Variants in PARM1 observed in about 807,000 individuals in gnomAD.
PARM1 encodes prostate androgen-regulated mucin-like protein 1.
A neutral mutation model predicts 24.6 loss-of-function variants in PARM1; 14 were observed. That is an observed-to-expected ratio of 0.57 (90% CI 0.38 to 0.89). The LOEUF is 0.89. Among genes scored for constraint, PARM1 ranks in the 40% least tolerant of loss-of-function variants. The pLI, the probability that PARM1 is intolerant of heterozygous loss-of-function variation, is 0.00. For synonymous variants in PARM1, 179 were observed against 156.6 expected (o/e 1.14, Z -1.07); for missense variants, 362 against 380.4 (o/e 0.95, Z 0.40).
At position 74,983,829 on chromosome 4, in the gene PARM1, C is replaced by A. The variant is rs184386314; in HGVS notation, c.44-28596C>A. ...TTCAAAACTTCTTGTTGTCTTTATT[C>A]TTTGTATCATTGATGTCTTCTTGGC... On this transcript the variant is annotated intron_variant, in intron 1 of 3. Coordinates refer to ENST00000307428, the MANE Select transcript of PARM1 (RefSeq NM_015393.4). Among the ~76,000 whole-genome samples the A allele has an allele frequency of 3.3e-3, 508 of 152,176 alleles. 6 individuals carry two copies. The highest frequency in any genetic ancestry group is 0.011 in the African/African-American group (473 of 41,522).
intron 1 of PARM1, chr4:74,966,925 G>A (rs1420733988): frequency 6.6e-6 from 1 of 152,154 alleles, no homozygotes; most frequent in African/African-American, 2.4e-5. Context: ...GTAAGCTTTT[G>A]GGATTTGGCA....
chr4:74,948,223 T>C (rs1186500518), intron 1 of PARM1, among the ~76,000 whole-genome samples: 6 of 152,192 alleles, frequency 3.9e-5, no homozygotes, highest in Admixed American at 2.6e-4. Flanking sequence ...AGCACATACA[T>C]GGCAAGTGCT....
At chr4:74,997,994 C>T (rs1301729066) in intron 1 of PARM1, among the ~76,000 whole-genome samples, 2 of 152,186 alleles carry the variant, frequency 1.3e-5, no homozygotes, top group East Asian at 1.9e-4. Flanking sequence ...TAGCTCATGT[C>T]GCCAGATTCT....
chr4:74,956,150 G>C (rs970342253), intron 1 of PARM1: 28 of 152,196 alleles, frequency 1.8e-4, no homozygotes, highest in African/African-American at 6.0e-4. Flanking sequence ...CCCCATTATA[G>C]AGATGACAAA....
At chr4:74,973,523 G>GTCT (rs975887484) in intron 1 of PARM1, among the ~76,000 whole-genome samples, 1 of 126,354 alleles carries the variant, frequency 7.9e-6, no homozygotes, top group African/African-American at 3.1e-5. Flanking sequence ...AGAGACATTC[G>GTCT]TCTTCTGGAG....
chr4:74,947,332 C>T (rs1322204045), intron 1 of PARM1, among the ~76,000 whole-genome samples: 2 of 151,812 alleles, frequency 1.3e-5, no homozygotes, highest in Admixed American at 1.3e-4. Flanking sequence ...GGAAAAATAA[C>T]CAGGTTTCTT....
At chr4:74,978,962 G>T (rs1722191671) in intron 1 of PARM1, among the ~76,000 whole-genome samples, 1 of 152,150 alleles carries the variant, frequency 6.6e-6, no homozygotes, top group Non-Finnish European at 1.5e-5. Flanking sequence ...CTAAAGCAGT[G>T]TTAGGAGGGA....
At chr4:74,996,713 G>A (rs1722581450) in intron 1 of PARM1, among the ~76,000 whole-genome samples, 2 of 152,150 alleles carry the variant, frequency 1.3e-5, no homozygotes, top group Non-Finnish European at 2.9e-5. Context: ...TTTTTATGTA[G>A]ATTGATTGTT....
chr4:74,956,020 C>T (rs1399397154), intron 1 of PARM1: 2 of 152,128 alleles, frequency 1.3e-5, no homozygotes, highest in African/African-American at 2.4e-5. Flanking sequence ...TGGAAAATAC[C>T]AGCTGAACAT....
chr4:74,990,998 A>G (rs933311960), intron 1 of PARM1, among the ~76,000 whole-genome samples: 1 of 152,154 alleles, frequency 6.6e-6, no homozygotes, highest in Admixed American at 6.5e-5. Flanking sequence ...AAGGAAACAG[A>G]CTTCACAGCC....
At chr4:74,943,928 C>T (rs1416047214) in intron 1 of PARM1, among the ~76,000 whole-genome samples, 4 of 152,198 alleles carry the variant, frequency 2.6e-5, no homozygotes, top group Non-Finnish European at 4.4e-5. Flanking sequence ...ACCTTAGAGA[C>T]CCTGTGCTAC....
intron 3 of PARM1, among the ~76,000 whole-genome samples, chr4:75,045,239 T>C (rs900773008): frequency 6.6e-6 from 1 of 152,098 alleles, no homozygotes; most frequent in African/African-American, 2.4e-5. Context: ...GAGACCAGTA[T>C]GGTTATAGCA....
intron 1 of PARM1, among the ~76,000 whole-genome samples, chr4:74,981,343 G>A (rs899064140): frequency 8.6e-5 from 13 of 151,562 alleles, no homozygotes; most frequent in African/African-American, 2.9e-4. Flanking sequence ...ATGTGGCCAA[G>A]AAACATATGT....
At chr4:74,990,565 C>T (rs1204300512) in intron 1 of PARM1, among the ~76,000 whole-genome samples, 3 of 152,160 alleles carry the variant, frequency 2.0e-5, no homozygotes, top group South Asian at 2.1e-4. Flanking sequence ...ATCCAAGAGA[C>T]GAGAACTTAG....
At chr4:75,042,865 A>C (rs967280094) in intron 3 of PARM1, among the ~76,000 whole-genome samples, 2 of 151,964 alleles carry the variant, frequency 1.3e-5, no homozygotes, top group Non-Finnish European at 2.9e-5. Flanking sequence ...GTACATTCCC[A>C]ATTTTGGTTC....
intron 1 of PARM1, among the ~76,000 whole-genome samples, chr4:75,003,832 A>T (rs1174783759): frequency 6.6e-6 from 1 of 152,184 alleles, no homozygotes; most frequent in Non-Finnish European, 1.5e-5. Flanking sequence ...CCTAAAACAC[A>T]CTGAAACCTA....
chr4:75,004,692 C>A (rs1722739579), intron 1 of PARM1, among the ~76,000 whole-genome samples: 1 of 152,088 alleles, frequency 6.6e-6, no homozygotes, highest in South Asian at 2.1e-4. Context: ...ATCCTGTGAT[C>A]AGATTAAAGG....
At chr4:74,936,038 C>A (rs1578018940) in intron 1 of PARM1, among the ~76,000 whole-genome samples, 1 of 152,016 alleles carries the variant, frequency 6.6e-6, no homozygotes. Context: ...TATTCCTATG[C>A]TGCCCAGGTT....
intron 1 of PARM1, among the ~76,000 whole-genome samples, chr4:74,995,055 T>C (rs1722551333): frequency 6.6e-6 from 1 of 152,116 alleles, no homozygotes; most frequent in Non-Finnish European, 1.5e-5. Context: ...CAAATTTAAA[T>C]TTTTGTCAAC....
Sources: allele counts gnomAD v4.1 joint callset (sites outside exome capture counted in the v4.1 genomes callset), GRCh38; gene constraint gnomAD v4.1.1; transcripts MANE v1.5; gene names NCBI Gene and HGNC (gene_info 2026-07-23, HGNC 2026-07-21).